CRTAM: variants seen among roughly 807,000 people sequenced by gnomAD.
The protein encoded by CRTAM is cytotoxic and regulatory T cell molecule.
CRTAM carries 44 observed loss-of-function variants against 50.0 expected under a neutral mutation model. The observed-to-expected ratio is 0.88, with a 90% confidence interval of 0.69 to 1.13. CRTAM has a LOEUF of 1.13. Ranked by LOEUF, CRTAM falls within the 50% of genes most tolerant of loss-of-function variation. The probability of loss-of-function intolerance (pLI) is 0.00; values close to 1 mark genes in which losing one functional copy is unlikely to be tolerated. For missense variants in CRTAM, 448 were observed against 457.5 expected (o/e 0.98, Z 0.19); for synonymous variants, 159 against 169.3 (o/e 0.94, Z 0.47).
intron 1 of CRTAM, among the ~76,000 whole-genome samples, chr11:122,841,349 G>A (rs553560180): frequency 5.9e-5 from 9 of 151,860 alleles, no homozygotes; most frequent in Non-Finnish European, 8.8e-5. Flanking sequence ...AACAGTTAAA[G>A]AGCAAAGTTA....
chr11:122,843,789 T>C (rs1861827811), intron 1 of CRTAM, among the ~76,000 whole-genome samples: 1 of 152,192 alleles, frequency 6.6e-6, no homozygotes, highest in African/African-American at 2.4e-5. Flanking sequence ...CCTTGGAAAA[T>C]GTGCCACCAA....
At chr11:122,843,942 T>C (rs1861829682) in intron 1 of CRTAM, among the ~76,000 whole-genome samples, 1 of 152,206 alleles carries the variant, frequency 6.6e-6, no homozygotes, top group African/African-American at 2.4e-5. Flanking sequence ...AGTGATTTCC[T>C]GTTTCTAAAT....
At position 122,850,119 on chromosome 11, in the gene CRTAM, C is replaced by T. The variant is rs775161741; in HGVS notation, c.98C>T (p.Thr33Met). ...TETITVEEGQ[T>M]LTLKCVTSLR... ...ACCATCACCGTGGAGGAAGGCCAGA[C>T]GCTCACTCTAAAGTGTGTCACTTCT... Residue 33 changes from threonine to methionine, a missense_variant, in exon 2 of 10, where the codon ACG becomes ATG. Physicochemically the swap from Thr to Met is moderately conservative, Grantham distance 81 (BLOSUM62 -1). Coordinates refer to ENST00000227348, the MANE Select transcript of CRTAM (RefSeq NM_019604.4). 27 of 1,613,458 alleles carry T rather than the reference C, an allele frequency of 1.7e-5. No homozygotes were observed. The highest frequency in any genetic ancestry group is 6.6e-5 in the South Asian group (6 of 91,034).
intron 5 of CRTAM, among the ~76,000 whole-genome samples, chr11:122,860,869 T>A (rs1242400016): frequency 6.6e-6 from 1 of 152,142 alleles, no homozygotes; most frequent in Admixed American, 6.5e-5. Context: ...CATGCCCAGC[T>A]ATTTTTTTGT....
chr11:122,846,390 C>A (rs949399119), intron 1 of CRTAM, among the ~76,000 whole-genome samples: 1 of 113,976 alleles, frequency 8.8e-6, no homozygotes, highest in African/African-American at 3.3e-5. Context: ...CTCACTGCAA[C>A]CTCCTCCTCC....
Position 122,854,100 on chromosome 11 carries a change from T to G in CRTAM, c.490+14T>G. 6.2e-7 allele frequency: 1 copy of G among 1,605,848 alleles called. No homozygotes were observed. The highest frequency in any genetic ancestry group is 8.5e-7 in the Non-Finnish European group (1 of 1,176,994). Reference sequence around the variant, plus strand: ...TGGAAGTGTCCGGTAAGGGGAGAAATGGTTCTCTTTGTCTTCCTTCCTACT... The same window carrying G: ...TGGAAGTGTCCGGTAAGGGGAGAAAGGGTTCTCTTTGTCTTCCTTCCTACT... On this transcript the variant is annotated intron_variant, in intron 4 of 9. Coordinates refer to ENST00000227348, the MANE Select transcript of CRTAM (RefSeq NM_019604.4).
chr11:122,838,789 C>T (rs1277673356), intron 1 of CRTAM, among the ~76,000 whole-genome samples, 197 bp downstream of exon 1: 1 of 151,920 alleles, frequency 6.6e-6, no homozygotes, highest in Non-Finnish European at 1.5e-5. Flanking sequence ...CGTTCAATGG[C>T]TAAGGAGTAT....
Position 122,851,749 on chromosome 11 carries a change from A to G in CRTAM, c.250A>G (p.Thr84Ala). 15 of 1,614,142 alleles carry G rather than the reference A, an allele frequency of 9.3e-6. No individual in the cohort carries two copies. Among genetic ancestry groups the G allele is most frequent in the Non-Finnish European group, 1.3e-5 (15 of 1,179,984 alleles). The stretch of plus-strand genomic sequence containing the variant: ...TCACTCGGCCAATCAGCTCTCCATC[A>G]CTGTGCCTAACGTAACCCTGCAAGA... ...LHHSANQLSI[T>A]VPNVTLQDEG... is the part of the protein sequence containing the mutation. The change falls in exon 3 of 10, where the codon ACT becomes GCT. Residue 84 changes from threonine (T) to alanine (A), a missense_variant. Physicochemically the swap from Thr to Ala is moderately conservative, Grantham distance 58 (BLOSUM62 0). Transcript: ENST00000227348.
chr11:122,864,769 T>A, intron 7 of CRTAM, 50 bp downstream of exon 7: 1 of 1,333,742 alleles, frequency 7.5e-7, no homozygotes, highest in Non-Finnish European at 1.1e-6. Context: ...TTTTAACCTC[T>A]TAATCGATAA....
At chr11:122,863,345 G>GAA (rs1862122037) in intron 6 of CRTAM, among the ~76,000 whole-genome samples, 3 of 75,862 alleles carry the variant, frequency 4.0e-5, no homozygotes, top group Non-Finnish European at 1.2e-4. Context: ...AAGAAAGAAA[G>GAA]AAAGAAAAAG....
At position 122,855,782 on chromosome 11, in the gene CRTAM, C is replaced by T. The variant is rs147423411; in HGVS notation, c.578C>T (p.Thr193Met). The T allele has an allele frequency of 2.9e-4, 475 of 1,613,848 alleles. No individual in the cohort carries two copies. The highest frequency in any genetic ancestry group is 7.3e-4 in the Admixed American group (44 of 60,016). The change falls in exon 5 of 10, where the codon ACG becomes ATG. Residue 193 changes from threonine (T) to methionine (M), a missense_variant. By Grantham distance (81) the Thr-to-Met change is moderately conservative. Transcript: ENST00000227348. ...LIIHTYGKNS[T>M]VDCIIRHRGL... ...ATCCACACTTATGGCAAAAATTCAA[C>T]GGTGGACTGCATTATCCGACACAGA...
At chr11:122,864,044 A>G (rs1862136022) in intron 6 of CRTAM, among the ~76,000 whole-genome samples, 1 of 152,190 alleles carries the variant, frequency 6.6e-6, no homozygotes, top group Non-Finnish European at 1.5e-5. Context: ...TCTAGAAAAA[A>G]CATCATAGTA....
At chr11:122,839,855 A>G (rs1471897760) in intron 1 of CRTAM, among the ~76,000 whole-genome samples, 1 of 152,204 alleles carries the variant, frequency 6.6e-6, no homozygotes, top group African/African-American at 2.4e-5. Flanking sequence ...TTCCTATTTT[A>G]CATAGTACTT....
chr11:122,862,143 A>T (rs903368286), intron 5 of CRTAM, among the ~76,000 whole-genome samples: 10 of 152,186 alleles, frequency 6.6e-5, no homozygotes, highest in Admixed American at 6.5e-4. Context: ...AGATAGGTGG[A>T]TGGGTAGATA....
Position 122,855,859 on chromosome 11 carries a change from A to G in CRTAM, c.652+3A>G. On this transcript the variant is annotated splice_donor_region_variant and intron_variant, in intron 5 of 9. Coordinates refer to ENST00000227348, the MANE Select transcript of CRTAM (RefSeq NM_019604.4). Reference sequence around the variant, plus strand: ...ACCCTTCCGGTTTGAAGATTTGGGTAAGAAGAACTAATGATTCTCTTGAAT... The same window carrying G: ...ACCCTTCCGGTTTGAAGATTTGGGTGAGAAGAACTAATGATTCTCTTGAAT... 1 of 1,608,044 alleles carries G rather than the reference A, an allele frequency of 6.2e-7. No homozygotes were observed.
chr11:122,838,982 GCAGCGGCACGACCTCGGCT>G (rs1490704820), intron 1 of CRTAM, among the ~76,000 whole-genome samples: 1 of 152,152 alleles, frequency 6.6e-6, no homozygotes, highest in African/African-American at 2.4e-5. Context: ...AGGCTGGAGT[GCAGCGGCACGACCTCGGCT>G]CACTGCAAGC....
At chr11:122,847,833 T>C (rs183574551) in intron 1 of CRTAM, among the ~76,000 whole-genome samples, 19 of 152,340 alleles carry the variant, frequency 1.2e-4, no homozygotes, top group Non-Finnish European at 2.1e-4. Flanking sequence ...TTTGACCTTA[T>C]GCTATGGAAA....
intron 5 of CRTAM, among the ~76,000 whole-genome samples, chr11:122,860,770 C>T (rs1324149565): frequency 6.6e-6 from 1 of 152,094 alleles, no homozygotes; most frequent in Non-Finnish European, 1.5e-5. Context: ...ATGGTGTAAT[C>T]ACGGTTCACA....
chr11:122,850,827 T>TG (rs1377217065), intron 2 of CRTAM, among the ~76,000 whole-genome samples: 1 of 152,258 alleles, frequency 6.6e-6, no homozygotes, highest in African/African-American at 2.4e-5. Flanking sequence ...AAGAATCTCT[T>TG]GGGTTCATCT....
Sources: allele counts gnomAD v4.1 joint callset (sites outside exome capture counted in the v4.1 genomes callset), GRCh38; gene constraint gnomAD v4.1.1; transcripts MANE v1.5; gene names NCBI Gene and HGNC (gene_info 2026-07-23, HGNC 2026-07-21).